CTNND2: variants seen among roughly 807,000 people sequenced by gnomAD.
The protein encoded by CTNND2 is catenin delta-2.
A neutral mutation model predicts 144.4 loss-of-function variants in CTNND2; 22 were observed. The observed-to-expected ratio is 0.15, with a 90% CI of 0.11 to 0.22. CTNND2 has a LOEUF of 0.22. CTNND2 is among the 10% of genes least tolerant of loss of function. CTNND2 has a pLI of 1.00. For missense variants in CTNND2, 1,353 were observed against 1,618.8 expected (o/e 0.84, Z 2.82); for synonymous variants, 751 against 695.6 (o/e 1.08, Z -1.25).
intron 1 of CTNND2, among the ~76,000 whole-genome samples, chr5:11,870,718 G>A (rs1212273779): frequency 6.6e-6 from 1 of 152,220 alleles, no homozygotes; most frequent in Non-Finnish European, 1.5e-5. Context: ...GTTCAGGCAT[G>A]AAGAGGTGGC....
At chr5:11,828,373 T>C (rs1399510083) in intron 1 of CTNND2, among the ~76,000 whole-genome samples, 1 of 151,812 alleles carries the variant, frequency 6.6e-6, no homozygotes, top group East Asian at 1.9e-4. Flanking sequence ...CTACTAAAAA[T>C]ACAAGAATAA....
intron 1 of CTNND2, among the ~76,000 whole-genome samples, chr5:11,840,143 G>C (rs1490799098): frequency 6.6e-6 from 1 of 152,088 alleles, no homozygotes; most frequent in African/African-American, 2.4e-5. Flanking sequence ...CTGAGTCAAA[G>C]AGAACTCTAA....
At chr5:11,185,439 C>T (rs1580525474) in intron 11 of CTNND2, among the ~76,000 whole-genome samples, 1 of 152,346 alleles carries the variant, frequency 6.6e-6, no homozygotes, top group East Asian at 1.9e-4. Context: ...AAGAAGGTCA[C>T]CTTCTAAGCA....
chr5:11,493,577 T>C (rs1221607719), intron 3 of CTNND2, among the ~76,000 whole-genome samples: 3 of 152,208 alleles, frequency 2.0e-5, no homozygotes, highest in African/African-American at 7.2e-5. Context: ...AAGCACAATA[T>C]TGCTGCTTTA....
At chr5:11,542,228 C>T (rs575907066) in intron 3 of CTNND2, among the ~76,000 whole-genome samples, 4 of 152,100 alleles carry the variant, frequency 2.6e-5, no homozygotes, top group South Asian at 2.1e-4. Context: ...AGGGACCCAC[C>T]GCCTGTTAGG....
intron 5 of CTNND2, among the ~76,000 whole-genome samples, chr5:11,405,586 AAAAG>A (rs1204297140): frequency 6.6e-6 from 1 of 152,068 alleles, no homozygotes; most frequent in Non-Finnish European, 1.5e-5. Context: ...GTTAAAAAAA[AAAAG>A]AGAGAGAAAT....
At chr5:11,586,895 A>G (rs574176476) in intron 2 of CTNND2, among the ~76,000 whole-genome samples, 2 of 152,250 alleles carry the variant, frequency 1.3e-5, no homozygotes, top group South Asian at 2.1e-4. Flanking sequence ...TAAAGGGCCT[A>G]CTTAGTATGT....
chr5:11,299,748 C>A (rs940293453), intron 9 of CTNND2, among the ~76,000 whole-genome samples: 6 of 152,126 alleles, frequency 3.9e-5, no homozygotes, highest in Non-Finnish European at 7.4e-5. Context: ...AGAACAAGTG[C>A]AAAACCATAA....
chr5:11,109,619 CTT>C (rs1443789939), intron 14 of CTNND2, among the ~76,000 whole-genome samples: 3 of 152,058 alleles, frequency 2.0e-5, no homozygotes, highest in Non-Finnish European at 4.4e-5. Flanking sequence ...ACTAGATAAC[CTT>C]TCATTTTACA....
At chr5:11,573,491 C>T (rs1777740178) in intron 2 of CTNND2, among the ~76,000 whole-genome samples, 1 of 152,080 alleles carries the variant, frequency 6.6e-6, no homozygotes, top group Admixed American at 6.5e-5. Flanking sequence ...GGAAGTGGCA[C>T]AAATGACAGG....
chr5:11,177,636 CT>C (rs1298582167), intron 11 of CTNND2, among the ~76,000 whole-genome samples: 5 of 151,810 alleles, frequency 3.3e-5, no homozygotes, highest in East Asian at 1.9e-4. Flanking sequence ...TTTTGAGGAA[CT>C]TTTTTTTGGT....
chr5:11,777,794 C>T (rs551028699), intron 1 of CTNND2, among the ~76,000 whole-genome samples: 6 of 152,124 alleles, frequency 3.9e-5, no homozygotes, highest in Non-Finnish European at 7.4e-5. Context: ...ATACAACTCT[C>T]CAGGCCTGGC....
chr5:10,996,543 G>A (rs1483260715), intron 18 of CTNND2, among the ~76,000 whole-genome samples: 9 of 152,226 alleles, frequency 5.9e-5, no homozygotes, highest in East Asian at 5.8e-4. Context: ...CCTCAGGGCC[G>A]ACAGGAGATG....
Position 11,653,998 on chromosome 5 carries a change from T to A in CTNND2, c.174+78138A>T, listed in dbSNP as rs762930027. On this transcript the variant is annotated intron_variant, in intron 2 of 21. Coordinates refer to ENST00000304623, the MANE Select transcript of CTNND2 (RefSeq NM_001332.4). ...TCCCAACACCATTTATTGATGACTG[T>A]CCTTTTCCCTTTGTTTGGTCTTGAT... Among the ~76,000 whole-genome samples the A allele has an allele frequency of 2.2e-4, 34 of 152,104 alleles. 2 individuals are homozygous for A. Among genetic ancestry groups the A allele is most frequent in the Admixed American group, 6.6e-5 (1 of 15,262 alleles).
At chr5:11,359,948 T>G (rs1162045534) in intron 8 of CTNND2, among the ~76,000 whole-genome samples, 2 of 151,852 alleles carry the variant, frequency 1.3e-5, no homozygotes, top group East Asian at 3.9e-4. Flanking sequence ...AGGTGAGGAG[T>G]AGGACTTGGG....
intron 16 of CTNND2, among the ~76,000 whole-genome samples, chr5:11,034,147 G>A (rs1012123097): frequency 9.9e-5 from 15 of 152,168 alleles, no homozygotes; most frequent in Non-Finnish European, 1.8e-4. Context: ...AAACAGAGAT[G>A]TCTTTCCCCT....
intron 2 of CTNND2, among the ~76,000 whole-genome samples, chr5:11,669,082 A>T (rs1175917415): frequency 6.6e-6 from 1 of 152,152 alleles, no homozygotes; most frequent in Non-Finnish European, 1.5e-5. Context: ...ATTTACATAT[A>T]TTGAAGCAGC....
In CTNND2 at chr5:11,411,457, A is replaced by G. The variant is rs760599370; in HGVS notation, c.439+79T>C. The G allele has an allele frequency of 1.2e-5, 9 of 761,934 alleles. 1 individual carries two copies. The highest frequency in any genetic ancestry group is 6.4e-5 in the South Asian group (4 of 62,064). The allele number at this position is 761,934 out of a possible 1,614,324, so 47.2% of individuals were successfully genotyped here. A position where few individuals can be genotyped will look rare whatever the true frequency, so the allele number is the denominator to read the frequency against. ...GAAATCCTCATTTGATATGGCTCAT[A>G]ACAGTAATGATATTAGAAATAATGA... On this transcript the variant is annotated intron_variant, in intron 5 of 21. Coordinates refer to ENST00000304623, the MANE Select transcript of CTNND2 (RefSeq NM_001332.4).
chr5:11,773,784 C>T (rs1203292216), intron 1 of CTNND2, among the ~76,000 whole-genome samples: 1 of 141,604 alleles, frequency 7.1e-6, no homozygotes, highest in Non-Finnish European at 1.5e-5. Flanking sequence ...GCACTCCAGC[C>T]TGGGTGACAG....
Sources: allele counts gnomAD v4.1 joint callset (sites outside exome capture counted in the v4.1 genomes callset), GRCh38; gene constraint gnomAD v4.1.1; transcripts MANE v1.5; gene names NCBI Gene and HGNC (gene_info 2026-07-23, HGNC 2026-07-21).